The following REEP1 variants were observed in gnomAD, a reference collection of about 807,000 sequenced individuals.
The protein encoded by REEP1 is receptor expression-enhancing protein 1.
REEP1 carries 22 observed loss-of-function variants against 40.3 expected under a neutral mutation model. The ratio of observed to expected loss-of-function variants is 0.55; its 90% confidence interval spans 0.39 to 0.78. The LOEUF is 0.78. REEP1 is among the 30% of genes least tolerant of loss of function. The probability of loss-of-function intolerance (pLI) is 0.00; values close to 1 mark genes in which losing one functional copy is unlikely to be tolerated. For synonymous variants in REEP1, 116 were observed against 139.2 expected (o/e 0.83, Z 1.17); for missense variants, 280 against 361.1 (o/e 0.78, Z 1.82).
chr2:86,298,285 G>A lies in REEP1; in HGVS notation c.33-16043C>T, dbSNP rs181917181. On this transcript the variant is annotated intron_variant, in intron 1 of 8. Transcript: ENST00000538924. Reference sequence around the variant, plus strand: ...GCACCAGGTCCCTGGGCATGGAAGGGCAGATGTGGCACAGGGATGGGCTCC... The same window carrying A: ...GCACCAGGTCCCTGGGCATGGAAGGACAGATGTGGCACAGGGATGGGCTCC... 4.3e-4 allele frequency among the ~76,000 whole-genome samples: 65 copies of A among 152,302 alleles called. 1 individual carries two copies. In the East Asian group the frequency reaches 8.9e-3, roughly 21 times the overall value.
chr2:86,289,630 A>T (rs1678588654), intron 1 of REEP1, among the ~76,000 whole-genome samples: 1 of 152,220 alleles, frequency 6.6e-6, no homozygotes, highest in East Asian at 1.9e-4. Flanking sequence ...TTACTAGAAG[A>T]ATCACCATCT....
chr2:86,318,142 C>A (rs79992666), intron 1 of REEP1, among the ~76,000 whole-genome samples: 3 of 152,084 alleles, frequency 2.0e-5, no homozygotes, highest in Non-Finnish European at 2.9e-5. Context: ...GGATATTATA[C>A]AATAAAATGT....
intron 5 of REEP1, among the ~76,000 whole-genome samples, chr2:86,240,477 T>A (rs1300095731): frequency 6.6e-6 from 1 of 152,134 alleles, no homozygotes; most frequent in African/African-American, 2.4e-5. Context: ...GAGGGCTGCA[T>A]CCTCTGAAGC....
chr2:86,330,259 A>T (rs1461107667), intron 1 of REEP1, among the ~76,000 whole-genome samples: 1 of 152,156 alleles, frequency 6.6e-6, no homozygotes, highest in Non-Finnish European at 1.5e-5. Context: ...TTCATTCAAC[A>T]TATATGCTGG....
At chr2:86,295,830 C>CT (rs1413905327) in intron 1 of REEP1, among the ~76,000 whole-genome samples, 2 of 152,118 alleles carry the variant, frequency 1.3e-5, no homozygotes, top group Non-Finnish European at 2.9e-5. Context: ...TGAGCCACCG[C>CT]GCCCAGCCCA....
intron 4 of REEP1, among the ~76,000 whole-genome samples, chr2:86,252,293 G>C (rs1245234176): frequency 6.6e-6 from 1 of 152,090 alleles, no homozygotes; most frequent in Non-Finnish European, 1.5e-5. Context: ...CGGATCCAGC[G>C]ATGCCCTGAG....
intron 3 of REEP1, among the ~76,000 whole-genome samples, chr2:86,261,645 C>A (rs1045877030): frequency 6.6e-6 from 1 of 152,196 alleles, no homozygotes; most frequent in Non-Finnish European, 1.5e-5. Flanking sequence ...TCCAAGGTTT[C>A]TCCCCATGTG....
chr2:86,275,830 G>A (rs1677729128), intron 2 of REEP1, among the ~76,000 whole-genome samples: 1 of 152,144 alleles, frequency 6.6e-6, no homozygotes, highest in South Asian at 2.1e-4. Flanking sequence ...CAAATCCCGG[G>A]CACATTTTCA....
rs573804380 is a variant in REEP1, at chr2:86,234,419, G to A, written c.418-1617C>T. Among the ~76,000 whole-genome samples the A allele has an allele frequency of 8.5e-5, 13 of 152,288 alleles. No individual in the cohort carries two copies. The South Asian group carries it at 2.5e-3, about 29-fold the overall frequency. The stretch of plus-strand genomic sequence containing the variant: ...TGTAGTTCCGGCTACTCGGGACACT[G>A]AGGTGGGAGGACCGCCTGAGCCCAA... On this transcript the variant is annotated intron_variant, in intron 5 of 8. Transcript: ENST00000538924.
intron 1 of REEP1, among the ~76,000 whole-genome samples, chr2:86,303,647 G>A (rs1380392369): frequency 2.0e-5 from 3 of 152,182 alleles, no homozygotes; most frequent in African/African-American, 7.2e-5. Context: ...TTACAGGTGT[G>A]AGCCCCACAC....
At chr2:86,264,279 G>A (rs1040059405) in intron 2 of REEP1, among the ~76,000 whole-genome samples, 7 of 152,140 alleles carry the variant, frequency 4.6e-5, no homozygotes, top group Non-Finnish European at 7.4e-5. Flanking sequence ...TGGCCCTAAA[G>A]TGAGCCGGGG....
At chr2:86,330,356 T>C (rs1390186017) in intron 1 of REEP1, among the ~76,000 whole-genome samples, 1 of 151,928 alleles carries the variant, frequency 6.6e-6, no homozygotes, top group Non-Finnish European at 1.5e-5. Flanking sequence ...CATGTTATCA[T>C]CTCCAGGTGC....
In REEP1 at chr2:86,217,012, G is replaced by A; in HGVS notation, c.*27C>T. On this transcript the variant is annotated 3_prime_UTR_variant, in exon 9 of 9. Coordinates refer to ENST00000538924, the MANE Select transcript of REEP1 (RefSeq NM_001371279.1). ...TTAAGGCAGAGAAGAAACATTCTGT[G>A]GATCCGGTGCTGTTGGCTCATCTCA... 6.3e-7 allele frequency: 1 copy of A among 1,595,672 alleles called. No individual in the cohort carries two copies. The highest frequency in any genetic ancestry group is 8.6e-7 in the Non-Finnish European group (1 of 1,163,268).
chr2:86,268,071 A>G (rs1677239088), intron 2 of REEP1, among the ~76,000 whole-genome samples: 1 of 152,166 alleles, frequency 6.6e-6, no homozygotes, highest in South Asian at 2.1e-4. Context: ...AAAATAGATG[A>G]TTTCCTCCTA....
chr2:86,277,881 T>G (rs1000371588), intron 2 of REEP1, among the ~76,000 whole-genome samples: 1 of 152,354 alleles, frequency 6.6e-6, no homozygotes, highest in South Asian at 2.1e-4. Flanking sequence ...TAAAACTGAT[T>G]GCAATGCATA....
intron 1 of REEP1, among the ~76,000 whole-genome samples, chr2:86,331,465 C>G (rs868784348): frequency 5.3e-5 from 8 of 151,828 alleles, no homozygotes; most frequent in Admixed American, 5.2e-4. Flanking sequence ...ATATACACAC[C>G]TAAGTATGCA....
chr2:86,322,623 G>C (rs1318038390), intron 1 of REEP1, among the ~76,000 whole-genome samples: 1 of 151,934 alleles, frequency 6.6e-6, no homozygotes, highest in East Asian at 1.9e-4. Context: ...GCTAATTTTT[G>C]TATTTATTTT....
intron 2 of REEP1, among the ~76,000 whole-genome samples, chr2:86,277,555 C>CA (rs546202828): frequency 0.36 from 42,184 of 118,014 alleles, 7,508 homozygotes; most frequent in Middle Eastern, 0.49. Context: ...GACTCTGTAT[C>CA]AAAAAAAAAA....
chr2:86,266,167 A>G (rs1310701193), intron 2 of REEP1, among the ~76,000 whole-genome samples: 1 of 152,240 alleles, frequency 6.6e-6, no homozygotes, highest in African/African-American at 2.4e-5. Flanking sequence ...AGATATCCAC[A>G]TGTAAAATAA....
Sources: allele counts gnomAD v4.1 joint callset (sites outside exome capture counted in the v4.1 genomes callset), GRCh38; gene constraint gnomAD v4.1.1; transcripts MANE v1.5; gene names NCBI Gene and HGNC (gene_info 2026-07-23, HGNC 2026-07-21).